TMEM114: variants seen among roughly 807,000 people sequenced by gnomAD.
The protein encoded by TMEM114 is transmembrane protein 114, also known as claudin-26.
A neutral mutation model predicts 6.2 loss-of-function variants in TMEM114; 6 were observed. The ratio of observed to expected loss-of-function variants is 0.97; its 90% CI spans 0.53 to 1.91. The LOEUF (loss-of-function observed/expected upper bound fraction) is 1.91. Among genes scored for constraint, TMEM114 ranks in the 40% most tolerant of loss-of-function variants. The probability of loss-of-function intolerance (pLI) is 0.01; values close to 1 mark genes in which losing one functional copy is unlikely to be tolerated. For synonymous variants in TMEM114, 104 were observed against 73.0 expected (o/e 1.42, Z -2.16); for missense variants, 218 against 158.3 (o/e 1.38, Z -2.02).
chr16:8,564,590 T>G (rs1901454708), downstream of TMEM114, among the ~76,000 whole-genome samples: 1 of 146,768 alleles, frequency 6.8e-6, no homozygotes, highest in Admixed American at 6.7e-5. Flanking sequence ...AGTAAATGAG[T>G]GAGTGACGGA....
chr16:8,534,028 G>A (rs1900285913), downstream of TMEM114, among the ~76,000 whole-genome samples: 1 of 152,166 alleles, frequency 6.6e-6, no homozygotes, highest in African/African-American at 2.4e-5. Context: ...CTCTCGTTTT[G>A]AGATTTGCTT....
At chr16:8,527,292 A>G in the TMEM114 span, among the ~76,000 whole-genome samples, 3 of 152,184 alleles carry the variant, frequency 2.0e-5, no homozygotes, top group Non-Finnish European at 2.9e-5. Flanking sequence ...AAGCCATGAG[A>G]TCTTCTCTCC....
intron 2 of TMEM114, among the ~76,000 whole-genome samples, chr16:8,557,893 C>T (rs773843459): frequency 1.3e-5 from 2 of 152,214 alleles, no homozygotes; most frequent in African/African-American, 2.4e-5. Flanking sequence ...CCCTGACAAA[C>T]CACCACAAAT....
downstream of TMEM114, among the ~76,000 whole-genome samples, chr16:8,567,457 A>G (rs1901582188): frequency 6.6e-6 from 1 of 152,192 alleles, no homozygotes; most frequent in South Asian, 2.1e-4. Context: ...TCAGTTCCTG[A>G]GGTGCACACA....
At chr16:8,561,715 G>C (rs12932210) in intron 2 of TMEM114, among the ~76,000 whole-genome samples, 14 of 152,090 alleles carry the variant, frequency 9.2e-5, no homozygotes, top group Admixed American at 3.3e-4. Flanking sequence ...ATCAGTGAAT[G>C]AATGAGTGAG....
At chr16:8,582,938 G>GGGCAGGGAAA (rs201164107) in intron 2 of TMEM114, among the ~76,000 whole-genome samples, 12 of 151,904 alleles carry the variant, frequency 7.9e-5, no homozygotes, top group East Asian at 1.9e-4. Flanking sequence ...GGGCAGGGAA[G>GGGCAGGGAAA]GGCAGGGAAA....
At chr16:8,589,181 G>C (rs913053177) in intron 2 of TMEM114, 32 bp downstream of exon 2, 5 of 398,422 alleles carry the variant, frequency 1.3e-5, no homozygotes, top group African/African-American at 6.2e-5. Flanking sequence ...GGACCGGGGC[G>C]CTCCCTCCAT....
downstream of TMEM114, chr16:8,569,389 G>A (rs1285768990): frequency 4.0e-6 from 4 of 996,424 alleles, no homozygotes; most frequent in South Asian, 1.6e-4. Flanking sequence ...CAGGAGGTAG[G>A]GCACCCTCTC....
At chr16:8,544,862 G>T (rs60876041) in intron 2 of TMEM114, among the ~76,000 whole-genome samples, 12,123 of 152,006 alleles carry the variant, frequency 0.08, 729 homozygotes, top group South Asian at 0.22. Context: ...TCCCCTCAGA[G>T]ATATAAATAA....
chr16:8,566,654 C>A, downstream of TMEM114, among the ~76,000 whole-genome samples: 1 of 152,168 alleles, frequency 6.6e-6, no homozygotes, highest in East Asian at 1.9e-4. Flanking sequence ...CTTCTCTCTC[C>A]CTGCCTCTAC....
chr16:8,588,304 C>T (rs1902378469), intron 2 of TMEM114, among the ~76,000 whole-genome samples: 1 of 149,552 alleles, frequency 6.7e-6, no homozygotes, highest in African/African-American at 2.5e-5. Flanking sequence ...AAAAAAAAAC[C>T]TGCCCACATT....
At chr16:8,537,665 T>C (rs1229245741) in exon 3 of TMEM114, 4 of 152,222 alleles carry the variant, frequency 2.6e-5, no homozygotes, top group African/African-American at 9.7e-5. Context: ...GATAATATCA[T>C]ATGATATCAT....
At chr16:8,529,081 G>A in the TMEM114 span, among the ~76,000 whole-genome samples, 1 of 152,208 alleles carries the variant, frequency 6.6e-6, no homozygotes, top group Non-Finnish European at 1.5e-5. Context: ...CGTTCGGAGA[G>A]GACAGCAAAA....
At chr16:8,547,916 G>C (rs1900722970) in intron 2 of TMEM114, among the ~76,000 whole-genome samples, 1 of 152,166 alleles carries the variant, frequency 6.6e-6, no homozygotes, top group Non-Finnish European at 1.5e-5. Context: ...TGATGGGCCT[G>C]TGGCCTGCTC....
At chr16:8,527,138 T>C in the TMEM114 span, among the ~76,000 whole-genome samples, 1 of 152,140 alleles carries the variant, frequency 6.6e-6, no homozygotes, top group African/African-American at 2.4e-5. Context: ...ACCCGGAAGG[T>C]GGGGGTTGCA....
intron 2 of TMEM114, among the ~76,000 whole-genome samples, chr16:8,557,884 C>A (rs1901065440): frequency 6.6e-6 from 1 of 152,116 alleles, no homozygotes; most frequent in Non-Finnish European, 1.5e-5. Flanking sequence ...TTAGAGCTGC[C>A]CTGACAAACC....
intron 2 of TMEM114, among the ~76,000 whole-genome samples, chr16:8,563,441 GTAAGTGAA>G (rs1173671195): frequency 8.6e-5 from 13 of 150,984 alleles, no homozygotes; most frequent in African/African-American, 3.0e-4. Context: ...GAGGCAATGA[GTAAGTGAA>G]TGAGTGAGTG....
chr16:8,571,388 C>G (rs1901728131), intron 3 of TMEM114, among the ~76,000 whole-genome samples: 1 of 152,124 alleles, frequency 6.6e-6, no homozygotes, highest in Non-Finnish European at 1.5e-5. Flanking sequence ...GTGGCTCGGT[C>G]AAACTATTCA....
At chr16:8,553,998 C>G (rs1900927834) in intron 2 of TMEM114, among the ~76,000 whole-genome samples, 1 of 152,042 alleles carries the variant, frequency 6.6e-6, no homozygotes, top group African/African-American at 2.4e-5. Flanking sequence ...CATGTGTCAG[C>G]CGCCTGAATA....
Sources: allele counts gnomAD v4.1 joint callset (sites outside exome capture counted in the v4.1 genomes callset), GRCh38; gene constraint gnomAD v4.1.1; transcripts MANE v1.5; gene names NCBI Gene and HGNC (gene_info 2026-07-23, HGNC 2026-07-21).